Variants in LRRC4C observed in about 807,000 individuals in gnomAD.
LRRC4C encodes the protein leucine-rich repeat-containing protein 4C.
A neutral mutation model predicts 33.6 loss-of-function variants in LRRC4C; 5 were observed. The observed-to-expected ratio is 0.15, with a 90% CI of 0.08 to 0.31. LRRC4C has a LOEUF of 0.31. LRRC4C is among the 10% of genes least tolerant of loss of function. The pLI, the probability that LRRC4C is intolerant of heterozygous loss-of-function variation, is 1.00. For missense variants in LRRC4C, 560 were observed against 796.7 expected, an observed-to-expected ratio of 0.70 and a Z score of 3.58; for synonymous variants, 329 against 302.0, an observed-to-expected ratio of 1.09 and a Z score of -0.93.
intron 2 of LRRC4C, among the ~76,000 whole-genome samples, chr11:40,778,158 A>G (rs1476264238): frequency 6.6e-6 from 1 of 152,090 alleles, no homozygotes; most frequent in Non-Finnish European, 1.5e-5. Flanking sequence ...TGGTCTGTTG[A>G]CTATGTACTC....
chr11:40,744,263 T>C (rs1046297941), intron 2 of LRRC4C, among the ~76,000 whole-genome samples: 1 of 152,066 alleles, frequency 6.6e-6, no homozygotes, highest in Non-Finnish European at 1.5e-5. Flanking sequence ...GGATAAGAGA[T>C]GAGAGACAAG....
chr11:40,469,686 T>C (rs1481518300), intron 3 of LRRC4C, among the ~76,000 whole-genome samples: 2 of 151,990 alleles, frequency 1.3e-5, no homozygotes, highest in Non-Finnish European at 2.9e-5. Flanking sequence ...AACACTTGAG[T>C]TTGATGAGGG....
intron 1 of LRRC4C, among the ~76,000 whole-genome samples, chr11:41,054,951 A>C (rs1358464518): frequency 6.6e-6 from 1 of 152,214 alleles, no homozygotes; most frequent in Non-Finnish European, 1.5e-5. Flanking sequence ...GACTCATACC[A>C]TATATACACA....
At chr11:41,053,575 A>C (rs562460430) in intron 1 of LRRC4C, among the ~76,000 whole-genome samples, 2 of 152,270 alleles carry the variant, frequency 1.3e-5, no homozygotes, top group South Asian at 4.1e-4. Context: ...TAAGTGTGGG[A>C]TGTTTAAACT....
chr11:41,111,639 A>G (rs979111322), intron 1 of LRRC4C, among the ~76,000 whole-genome samples: 1 of 152,068 alleles, frequency 6.6e-6, no homozygotes, highest in Non-Finnish European at 1.5e-5. Context: ...TCTCCTTAGC[A>G]CTTTGAAACA....
intron 5 of LRRC4C, among the ~76,000 whole-genome samples, chr11:40,144,930 C>G (rs1857617024): frequency 6.6e-6 from 1 of 152,158 alleles, no homozygotes; most frequent in South Asian, 2.1e-4. Context: ...ACACATTGCA[C>G]TTCTATGTCC....
chr11:40,340,566 AC>A, intron 3 of LRRC4C, among the ~76,000 whole-genome samples: 1 of 152,252 alleles, frequency 6.6e-6, no homozygotes, highest in Non-Finnish European at 1.5e-5. Flanking sequence ...AGTAATAATA[AC>A]CTTTATCAAT....
At chr11:40,443,861 C>T (rs879359501) in intron 3 of LRRC4C, among the ~76,000 whole-genome samples, 4 of 152,166 alleles carry the variant, frequency 2.6e-5, no homozygotes, top group Non-Finnish European at 4.4e-5. Flanking sequence ...ACATCATTAA[C>T]CACCCTTCAT....
At chr11:40,867,890 T>G (rs1954447755) in intron 2 of LRRC4C, among the ~76,000 whole-genome samples, 1 of 152,154 alleles carries the variant, frequency 6.6e-6, no homozygotes, top group African/African-American at 2.4e-5. Flanking sequence ...ATAATGTCAC[T>G]CTGGCAATGC....
At chr11:40,974,631 A>T (rs779271629) in intron 1 of LRRC4C, among the ~76,000 whole-genome samples, 43 of 152,190 alleles carry the variant, frequency 2.8e-4, no homozygotes, top group Admixed American at 4.6e-4. Context: ...TGAATTCAGA[A>T]ATACGTAGGG....
chr11:41,207,332 T>C lies in LRRC4C; in HGVS notation c.-496+252099A>G, dbSNP rs150142347. On this transcript the variant is annotated intron_variant, in intron 1 of 6. Transcript: ENST00000528697. ...TCTCTCCCTCTCCCCTTAGTCATTA[T>C]AAAGATCCAGGGGGCTGAAAAACAG... is the stretch of plus-strand genomic sequence containing the variant. 7.8e-3 allele frequency among the ~76,000 whole-genome samples: 1,185 copies of C among 152,218 alleles called. 22 individuals carry two copies. The highest frequency in any genetic ancestry group is 0.028 in the African/African-American group (1,144 of 41,522).
intron 1 of LRRC4C, among the ~76,000 whole-genome samples, chr11:41,193,024 A>G (rs1946028540): frequency 6.6e-6 from 1 of 152,108 alleles, no homozygotes; most frequent in Non-Finnish European, 1.5e-5. Context: ...GAGAAGGGAT[A>G]GTCTAACACT....
chr11:40,413,015 T>G (rs1036576748), intron 3 of LRRC4C, among the ~76,000 whole-genome samples: 2 of 152,150 alleles, frequency 1.3e-5, no homozygotes, highest in Non-Finnish European at 2.9e-5. Context: ...ATGTACATTT[T>G]CTTTTGATTC....
At chr11:40,916,477 C>A (rs544210766) in intron 2 of LRRC4C, among the ~76,000 whole-genome samples, 1 of 152,066 alleles carries the variant, frequency 6.6e-6, no homozygotes, top group African/African-American at 2.4e-5. Flanking sequence ...TGTTCTCACT[C>A]GTAGGTGGGA....
At chr11:40,179,971 A>G (rs556870722) in intron 5 of LRRC4C, among the ~76,000 whole-genome samples, 16 of 152,326 alleles carry the variant, frequency 1.1e-4, no homozygotes, top group African/African-American at 3.6e-4. Context: ...GATGTATCAC[A>G]CTTTCTCTGT....
intron 2 of LRRC4C, among the ~76,000 whole-genome samples, chr11:40,830,724 T>C (rs1045339696): frequency 5.9e-5 from 9 of 152,112 alleles, no homozygotes; most frequent in Non-Finnish European, 2.9e-5. Flanking sequence ...GGCGGATTCA[T>C]CTTCGTTTGT....
At chr11:40,874,641 C>T (rs1335821232) in intron 2 of LRRC4C, among the ~76,000 whole-genome samples, 2 of 152,122 alleles carry the variant, frequency 1.3e-5, no homozygotes, top group East Asian at 3.9e-4. Flanking sequence ...AATGAAAATC[C>T]TATGTTTGTT....
chr11:40,884,066 C>T (rs982248133), intron 2 of LRRC4C, among the ~76,000 whole-genome samples: 1 of 151,996 alleles, frequency 6.6e-6, no homozygotes, highest in Non-Finnish European at 1.5e-5. Context: ...CCTCTCCTTT[C>T]CCCCTACCCC....
intron 3 of LRRC4C, among the ~76,000 whole-genome samples, chr11:40,478,514 T>C (rs1302177613): frequency 2.6e-5 from 4 of 152,160 alleles, no homozygotes; most frequent in Non-Finnish European, 5.9e-5. Flanking sequence ...CTGGTGAGAT[T>C]GCAAGTTAAG....
Sources: gnomAD v4.1 joint callset for allele counts (sites outside exome capture counted in the v4.1 genomes callset) on GRCh38, gnomAD v4.1.1 for gene constraint, MANE v1.5 for transcripts, NCBI Gene and HGNC (gene_info 2026-07-23, HGNC 2026-07-21) for gene names.